The following TMPRSS9 variants were observed in gnomAD, a reference collection of about 807,000 sequenced individuals.
TMPRSS9 encodes transmembrane serine protease 9, also known as transmembrane protease serine 9.
Under a neutral mutation model 111.4 loss-of-function variants are expected in TMPRSS9, and 113 were observed. That is an observed-to-expected ratio of 1.01 (90% confidence interval 0.87 to 1.19). TMPRSS9 has a LOEUF of 1.19. Ranked by LOEUF, TMPRSS9 falls within the 50% of genes most tolerant of loss-of-function variation. The pLI, the probability that TMPRSS9 is intolerant of heterozygous loss-of-function variation, is 0.00. For synonymous variants in TMPRSS9, 805 were observed against 659.1 expected, an observed-to-expected ratio of 1.22 and a Z score of -3.39; for missense variants, 1,803 against 1,513.1, an observed-to-expected ratio of 1.19 and a Z score of -3.18.
intron 1 of TMPRSS9, among the ~76,000 whole-genome samples, chr19:2,361,556 C>T (rs997828973): frequency 6.6e-6 from 1 of 152,110 alleles, no homozygotes; most frequent in African/African-American, 2.4e-5. Flanking sequence ...AGGGAGGGTC[C>T]TCCTGGATTC....
chr19:2,397,655 C>G (rs1970738607), intron 2 of TMPRSS9, among the ~76,000 whole-genome samples: 1 of 152,020 alleles, frequency 6.6e-6, no homozygotes, highest in Non-Finnish European at 1.5e-5. Flanking sequence ...GTGGGTGGCT[C>G]ACATCTGTAA....
At chr19:2,410,272 G>T in exon 9 of TMPRSS9, 1 of 1,613,946 alleles carries the variant, frequency 6.2e-7, no homozygotes, top group Non-Finnish European at 8.5e-7. Context: ...CAAGCCAGAG[G>T]TGCTGCAGAA....
At chr19:2,372,018 C>T (rs1009354952) in intron 1 of TMPRSS9, among the ~76,000 whole-genome samples, 1 of 152,154 alleles carries the variant, frequency 6.6e-6, no homozygotes, top group African/African-American at 2.4e-5. Context: ...ATTATAGGCG[C>T]CCGCCACCAT....
At chr19:2,406,233 T>C (rs566979271) in intron 7 of TMPRSS9, among the ~76,000 whole-genome samples, 1 of 151,410 alleles carries the variant, frequency 6.6e-6, no homozygotes, top group Admixed American at 6.6e-5. Flanking sequence ...TTAGTCAGGA[T>C]GGTCTCGATC....
chr19:2,368,452 G>A (rs1161188540), intron 1 of TMPRSS9, among the ~76,000 whole-genome samples: 2 of 152,186 alleles, frequency 1.3e-5, no homozygotes, highest in South Asian at 2.1e-4. Flanking sequence ...TTTGGGGATC[G>A]GCGAGGAGGC....
chr19:2,423,518 C>CGG (rs200576946), intron 14 of TMPRSS9, among the ~76,000 whole-genome samples: 10 of 41,176 alleles, frequency 2.4e-4, no homozygotes, highest in Admixed American at 1.6e-3. Context: ...TAGAGGGCGG[C>CGG]GGGGGGGCTT....
In TMPRSS9 at chr19:2,413,971, C is replaced by A. The variant is rs774031347; in HGVS notation, c.1526C>A (p.Ala509Asp). The change falls in exon 10 of 18, where the codon GCC becomes GAC. Residue 509 changes from alanine to aspartate, a missense_variant. Coordinates refer to ENST00000648592, the Ensembl canonical transcript of TMPRSS9. Reference sequence around the variant, plus strand: ...AGCACCCCCACCAAATCGATGCAGGCCCTCAGTACCGTGCCTCTTGACTGG... The same window carrying A: ...AGCACCCCCACCAAATCGATGCAGGACCTCAGTACCGTGCCTCTTGACTGG... 1.9e-6 allele frequency: 3 copies of A among 1,609,538 alleles called. 1 individual carries two copies. The highest frequency in any genetic ancestry group is 2.5e-6 in the Non-Finnish European group (3 of 1,178,018).
chr19:2,407,669 G>A lies in TMPRSS9; in HGVS notation c.843-687G>A, dbSNP rs555380472. Among the ~76,000 whole-genome samples, 13 of 129,940 alleles carry A rather than the reference G, an allele frequency of 1.0e-4. No individual in the cohort carries two copies. The South Asian group carries it at 1.8e-3, about 18-fold the overall frequency. The allele number at this position is 129,940 out of a possible 152,430, so 85.2% of individuals were successfully genotyped here. ...GTTGCCCAGGCTGGAGTGCAGTGGC[G>A]CAGTGATAGCTCACTATAGCTCATG... On this transcript the variant is annotated intron_variant, in intron 7 of 17. Transcript: ENST00000648592.
At chr19:2,379,181 C>CTTTTTTT (rs919990556) in intron 1 of TMPRSS9, among the ~76,000 whole-genome samples, 17 of 99,408 alleles carry the variant, frequency 1.7e-4, no homozygotes, top group African/African-American at 3.7e-4. Context: ...GCTTCTTTCT[C>CTTTTTTT]TTTTTTTTTT....
intron 1 of TMPRSS9, among the ~76,000 whole-genome samples, chr19:2,364,340 G>A (rs539770960): frequency 9.2e-5 from 14 of 152,314 alleles, no homozygotes; most frequent in African/African-American, 3.4e-4. Context: ...TGATGTTTCT[G>A]TGTGTTGCTC....
chr19:2,415,214 G>A (rs1971199292), intron 10 of TMPRSS9, among the ~76,000 whole-genome samples: 1 of 151,968 alleles, frequency 6.6e-6, no homozygotes, highest in Non-Finnish European at 1.5e-5. Context: ...CAAAGTGCTG[G>A]GATAACAGGC....
At position 2,424,303 on chromosome 19, in the gene TMPRSS9, A is replaced by G. The variant is rs752522678; in HGVS notation, c.2717+46A>G. ...ATGCCCCTACATGTCTCTGTAGCTC[A>G]CCCGGAACCGAACTGTTGCCCGAAA... On this transcript the variant is annotated intron_variant, in intron 15 of 17. Transcript: ENST00000648592. The G allele has an allele frequency of 3.8e-6, 5 of 1,304,760 alleles. No homozygotes were observed. The African/African-American group carries it at 6.1e-5, about 16-fold the overall frequency. 80.8% of individuals were successfully genotyped at this position (1,304,760 alleles called of 1,614,324 possible).
chr19:2,417,341 C>T (rs767489023), intron 12 of TMPRSS9, among the ~76,000 whole-genome samples: 3 of 151,942 alleles, frequency 2.0e-5, no homozygotes, highest in Non-Finnish European at 4.4e-5. Flanking sequence ...TGATGCATGC[C>T]TGTAATCCCA....
Position 2,418,439 on chromosome 19 carries a change from C to T in TMPRSS9, c.2154+301C>T, listed in dbSNP as rs1400263936. ...CTTCCCTCCCTCCCTTTCCTTCCCT[C>T]CCTCCCCTTCCCTCCCTCCCTTTCC... is the stretch of plus-strand genomic sequence containing the variant. On this transcript the variant is annotated intron_variant, in intron 13 of 17. Coordinates refer to ENST00000648592, the Ensembl canonical transcript of TMPRSS9. Among the ~76,000 whole-genome samples the T allele has an allele frequency of 9.8e-5, 2 of 20,342 alleles. 1 individual carries two copies. Among genetic ancestry groups the T allele is most frequent in the African/African-American group, 8.3e-4 (2 of 2,402 alleles). The allele number at this position is 20,342 out of a possible 152,430, so 13.3% of individuals were successfully genotyped here.
intron 8 of TMPRSS9, among the ~76,000 whole-genome samples, chr19:2,409,263 T>C (rs7259017): frequency 0.092 from 13,812 of 150,628 alleles, 905 homozygotes; most frequent in East Asian, 0.26. Flanking sequence ...CCTCAGCCTC[T>C]GAGTAGCTGG....
intron 10 of TMPRSS9, among the ~76,000 whole-genome samples, chr19:2,414,580 C>T (rs1220522695): frequency 6.8e-6 from 1 of 147,228 alleles, no homozygotes; most frequent in South Asian, 2.1e-4. Flanking sequence ...TGTACCCAGA[C>T]AACTTGTAGG....
intron 1 of TMPRSS9, among the ~76,000 whole-genome samples, chr19:2,365,006 G>A (rs1246074634): frequency 6.6e-6 from 1 of 151,188 alleles, no homozygotes; most frequent in Non-Finnish European, 1.5e-5. Context: ...CAAAACTGAC[G>A]CACGACTGTG....
At chr19:2,400,513 G>A (rs1309193443) in intron 4 of TMPRSS9, among the ~76,000 whole-genome samples, 1 of 151,788 alleles carries the variant, frequency 6.6e-6, no homozygotes, top group Non-Finnish European at 1.5e-5. Context: ...CTGCACTCCA[G>A]CCTGGGTGAC....
At chr19:2,417,822 G>T (rs150724281) in intron 12 of TMPRSS9, among the ~76,000 whole-genome samples, 180 bp from the exon 14 acceptor site, 9 of 152,240 alleles carry the variant, frequency 5.9e-5, no homozygotes, top group Admixed American at 5.9e-4. Context: ...CGCTCTGAGC[G>T]GGCCATCAGG....
Sources: allele counts gnomAD v4.1 joint callset (sites outside exome capture counted in the v4.1 genomes callset), GRCh38; gene constraint gnomAD v4.1.1; transcripts MANE v1.5; gene names NCBI Gene and HGNC (gene_info 2026-07-23, HGNC 2026-07-21).